RGS8: variants seen among roughly 807,000 people sequenced by gnomAD.
The protein encoded by RGS8 is regulator of G-protein signaling 8.
In RGS8, 8 loss-of-function variants were observed where a neutral mutation model predicts 21.7. That is an observed-to-expected ratio of 0.37 (90% CI 0.22 to 0.66). The LOEUF (loss-of-function observed/expected upper bound fraction) is 0.66. Among genes scored for constraint, RGS8 ranks in the 30% least tolerant of loss-of-function variants. RGS8 has a pLI of 0.59. For synonymous variants in RGS8, 80 were observed against 83.6 expected, an observed-to-expected ratio of 0.96 and a Z score of 0.24; for missense variants, 157 against 217.9, an observed-to-expected ratio of 0.72 and a Z score of 1.76.
the RGS8 span, among the ~76,000 whole-genome samples, chr1:182,724,742 G>C: frequency 1.3e-5 from 2 of 152,060 alleles, no homozygotes; most frequent in Non-Finnish European, 2.9e-5. Flanking sequence ...ATTTTTAGAA[G>C]AGACGGGGTT....
At chr1:182,742,592 A>G in the RGS8 span, among the ~76,000 whole-genome samples, 1 of 152,344 alleles carries the variant, frequency 6.6e-6, no homozygotes, top group South Asian at 2.1e-4. Context: ...TACGAAAACC[A>G]GTCAGGCGTG....
At chr1:182,701,287 T>C in the RGS8 span, among the ~76,000 whole-genome samples, 1 of 152,234 alleles carries the variant, frequency 6.6e-6, no homozygotes, top group East Asian at 1.9e-4. Flanking sequence ...TGTGACTTCC[T>C]AAGTAGATAT....
At chr1:182,721,058 TGTGTGTATATATACATATATAC>T in the RGS8 span, among the ~76,000 whole-genome samples, 294 of 108,044 alleles carry the variant, frequency 2.7e-3, 3 homozygotes, top group African/African-American at 0.012. Context: ...TACATATATA[TGTGTGTATATATACATATATAC>T]ACATATATAT....
chr1:182,661,247 G>A, intron 5 of RGS8, among the ~76,000 whole-genome samples: 1 of 151,974 alleles, frequency 6.6e-6, no homozygotes, highest in East Asian at 1.9e-4. Context: ...TGCAAATGCA[G>A]AAGAGCTTTT....
intron 5 of RGS8, among the ~76,000 whole-genome samples, chr1:182,654,381 G>A (rs564529002): frequency 3.9e-5 from 6 of 152,326 alleles, no homozygotes; most frequent in East Asian, 1.9e-4. Flanking sequence ...AAAGGAAAGA[G>A]GTAGAGGAAG....
chr1:182,669,146 G>T (rs755527024), intron 3 of RGS8, among the ~76,000 whole-genome samples: 1 of 152,136 alleles, frequency 6.6e-6, no homozygotes, highest in South Asian at 2.1e-4. Flanking sequence ...GGGACAAAAT[G>T]GTTTTTATTT....
the RGS8 span, among the ~76,000 whole-genome samples, chr1:182,736,227 AG>A: frequency 6.6e-6 from 1 of 152,230 alleles, no homozygotes; most frequent in African/African-American, 2.4e-5. Context: ...TGCCTCCACC[AG>A]TGGTACAATT....
chr1:182,643,974 G>A (rs933821232), downstream of RGS8: 3 of 152,240 alleles, frequency 2.0e-5, no homozygotes, highest in Admixed American at 1.3e-4. Context: ...CAAGCCTCAA[G>A]TCCAGAAGGC....
the RGS8 span, among the ~76,000 whole-genome samples, chr1:182,727,046 A>G: frequency 6.6e-6 from 1 of 152,270 alleles, no homozygotes; most frequent in South Asian, 2.1e-4. Context: ...AACATTCCCC[A>G]TCCCATTCCA....
chr1:182,670,229 G>A (rs1039281670), intron 2 of RGS8, among the ~76,000 whole-genome samples: 3 of 152,198 alleles, frequency 2.0e-5, no homozygotes, highest in Admixed American at 1.3e-4. Flanking sequence ...GTGGGAGGGA[G>A]GTTGGAGGAA....
At chr1:182,730,805 C>A in the RGS8 span, among the ~76,000 whole-genome samples, 2 of 152,114 alleles carry the variant, frequency 1.3e-5, no homozygotes, top group Non-Finnish European at 2.9e-5. Flanking sequence ...TTTTTACATG[C>A]TTAAGAATGT....
intron 5 of RGS8, among the ~76,000 whole-genome samples, chr1:182,654,937 T>C (rs1207785401): frequency 5.3e-5 from 8 of 151,424 alleles, no homozygotes; most frequent in Non-Finnish European, 1.0e-4. Context: ...AAGCAGGAAG[T>C]TAAAAAAAAA....
At chr1:182,682,013 A>AGGCACAG (rs1664550829) in intron 1 of RGS8, among the ~76,000 whole-genome samples, 1 of 152,204 alleles carries the variant, frequency 6.6e-6, no homozygotes, top group Non-Finnish European at 1.5e-5. Flanking sequence ...AATACCCCCC[A>AGGCACAG]GGCACAGAGG....
At chr1:182,747,510 C>T in the RGS8 span, among the ~76,000 whole-genome samples, 1 of 152,080 alleles carries the variant, frequency 6.6e-6, no homozygotes, top group African/African-American at 2.4e-5. Flanking sequence ...TATTGCTATT[C>T]AAGGTCTGAT....
upstream of RGS8, among the ~76,000 whole-genome samples, chr1:182,677,401 A>G (rs901927930): frequency 6.6e-6 from 1 of 152,228 alleles, no homozygotes; most frequent in African/African-American, 2.4e-5. Flanking sequence ...ATATTTTATC[A>G]TCTGTAAAAT....
At chr1:182,647,232 C>G (rs1216656302) in intron 6 of RGS8, among the ~76,000 whole-genome samples, 1 of 152,202 alleles carries the variant, frequency 6.6e-6, no homozygotes, top group Non-Finnish European at 1.5e-5. Flanking sequence ...ATCCCTAATC[C>G]AGGGACCTTC....
the RGS8 span, among the ~76,000 whole-genome samples, chr1:182,720,738 T>C: frequency 6.6e-6 from 1 of 151,918 alleles, no homozygotes; most frequent in Non-Finnish European, 1.5e-5. Flanking sequence ...TGCTCATCAA[T>C]ATCCTTCCTC....
At chr1:182,643,429 C>G (rs1257207987), downstream of RGS8, 3 of 151,266 alleles carry the variant, frequency 2.0e-5, no homozygotes, top group Non-Finnish European at 1.5e-5. Context: ...TGACTGATGC[C>G]TGGGTCTCTA....
At chr1:182,741,812 T>G in the RGS8 span, among the ~76,000 whole-genome samples, 1 of 98,880 alleles carries the variant, frequency 1.0e-5, no homozygotes, top group African/African-American at 3.6e-5. Flanking sequence ...GCTCCTCACT[T>G]CCCAGTAGGG....
Sources: gnomAD v4.1 joint callset for allele counts (sites outside exome capture counted in the v4.1 genomes callset) on GRCh38, gnomAD v4.1.1 for gene constraint, MANE v1.5 for transcripts, NCBI Gene and HGNC (gene_info 2026-07-23, HGNC 2026-07-21) for gene names.